The following STON2 variants were observed in gnomAD, a reference collection of about 807,000 sequenced individuals.
The protein encoded by STON2 is stonin-2.
In STON2, 29 loss-of-function variants were observed where a neutral mutation model predicts 65.7. That is an observed-to-expected ratio of 0.44 (90% CI 0.33 to 0.60). The LOEUF is 0.60. Among genes scored for constraint, STON2 ranks in the 20% least tolerant of loss-of-function variants. The probability of loss-of-function intolerance (pLI) is 0.03; values close to 1 mark genes in which losing one functional copy is unlikely to be tolerated. For synonymous variants in STON2, 404 were observed against 414.2 expected, an observed-to-expected ratio of 0.98 and a Z score of 0.30; for missense variants, 1,054 against 1,118.1, an observed-to-expected ratio of 0.94 and a Z score of 0.82.
At chr14:81,400,956 C>T (rs1900583007), upstream of STON2, among the ~76,000 whole-genome samples, 1 of 152,152 alleles carries the variant, frequency 6.6e-6, no homozygotes, top group South Asian at 2.1e-4. Context: ...CCCTCTGTAA[C>T]GATGACAATG....
chr14:81,337,246 T>G (rs1897407617), intron 4 of STON2, among the ~76,000 whole-genome samples: 1 of 152,214 alleles, frequency 6.6e-6, no homozygotes, highest in Non-Finnish European at 1.5e-5. Flanking sequence ...AGTGATCTAA[T>G]AATGAATCAG....
intron 4 of STON2, among the ~76,000 whole-genome samples, chr14:81,345,111 G>C (rs1221020047): frequency 3.3e-5 from 5 of 152,210 alleles, no homozygotes; most frequent in Admixed American, 3.3e-4. Context: ...AATGGGTCCA[G>C]AAATACTATA....
intron 3 of STON2, among the ~76,000 whole-genome samples, chr14:81,373,341 C>T (rs1039282738): frequency 5.3e-5 from 8 of 151,936 alleles, no homozygotes; most frequent in African/African-American, 1.9e-4. Flanking sequence ...AATTAAAATA[C>T]TAAAAAAGAA....
rs983373353 is a variant in STON2, at chr14:81,268,512, A to T, written c.2785-15T>A. 3 of 1,289,492 alleles carry T rather than the reference A, an allele frequency of 2.3e-6. No homozygotes were observed. Among genetic ancestry groups the T allele is most frequent in the Non-Finnish European group, 3.0e-6 (3 of 988,686 alleles). The allele number at this position is 1,289,492 out of a possible 1,614,324, so 79.9% of individuals were successfully genotyped here. On this transcript the variant is annotated splice_polypyrimidine_tract_variant and intron_variant, in intron 7 of 7. Transcript: ENST00000614646. ...TCAATTTCCACCTGCCAAGAATAGAAGTTGGAGATAAAGATCAAAAAGAAG... is the reference window on the plus strand; with the variant it reads ...TCAATTTCCACCTGCCAAGAATAGATGTTGGAGATAAAGATCAAAAAGAAG...
chr14:81,406,556 A>C (rs1459444744), intron 2 of STON2, among the ~76,000 whole-genome samples: 2 of 152,180 alleles, frequency 1.3e-5, no homozygotes, highest in Non-Finnish European at 2.9e-5. Flanking sequence ...TTACTGCTCA[A>C]TAATAATAAC....
chr14:81,409,869 T>C (rs906623132), intron 2 of STON2, among the ~76,000 whole-genome samples: 4 of 152,226 alleles, frequency 2.6e-5, no homozygotes, highest in African/African-American at 9.6e-5. Flanking sequence ...TGCTTTCCTA[T>C]CTTCACCTAG....
chr14:81,365,081 G>C (rs545565868), intron 4 of STON2, among the ~76,000 whole-genome samples: 2 of 152,198 alleles, frequency 1.3e-5, no homozygotes, highest in Non-Finnish European at 2.9e-5. Flanking sequence ...GTTGAATAAA[G>C]GTTGCCAGAT....
intron 4 of STON2, among the ~76,000 whole-genome samples, chr14:81,350,430 A>G (rs1359331506): frequency 6.6e-6 from 1 of 152,020 alleles, no homozygotes; most frequent in East Asian, 1.9e-4. Flanking sequence ...AACTTTCTGC[A>G]TGACTGAATT....
rs1292187120 is a variant in STON2 at position 81,398,345 on chromosome 14, G to A, written c.38C>T (p.Ser13Leu). Residue 13 changes from serine (S) to leucine (L), a missense_variant, in exon 2 of 8, where the codon TCA becomes TTA. Ser to Leu is a moderately radical substitution (Grantham distance 145). Coordinates refer to ENST00000614646, the MANE Select transcript of STON2 (RefSeq NM_001394390.1). ...CTCTTCATTGAAGGAGACCCATTCT[G>A]ACTGGTGGGTGGCAATCACATGGTC... The part of the protein sequence containing the change: ...TLDHVIATHQ[S>L]EWVSFNEEPP... 1.2e-6 allele frequency: 2 copies of A among 1,614,088 alleles called. No homozygotes were observed. Among genetic ancestry groups the A allele is most frequent in the Non-Finnish European group, 1.7e-6 (2 of 1,179,984 alleles).
At chr14:81,281,965 T>G (rs1895143077) in intron 5 of STON2, among the ~76,000 whole-genome samples, 1 of 152,248 alleles carries the variant, frequency 6.6e-6, no homozygotes, top group African/African-American at 2.4e-5. Context: ...TTTTTAAAAC[T>G]TATTCTCTGG....
At chr14:81,280,992 T>C (rs553639798) in intron 5 of STON2, among the ~76,000 whole-genome samples, 6 of 137,572 alleles carry the variant, frequency 4.4e-5, no homozygotes, top group East Asian at 2.1e-4. Flanking sequence ...GTCTGAGCGA[T>C]AGAGCGAAAC....
chr14:81,335,547 T>G (rs1277454940), intron 4 of STON2, among the ~76,000 whole-genome samples: 3 of 152,132 alleles, frequency 2.0e-5, no homozygotes, highest in African/African-American at 7.2e-5. Context: ...GAGACATAGC[T>G]GGACTGTCAG....
intron 5 of STON2, among the ~76,000 whole-genome samples, chr14:81,282,025 C>G (rs1488941420): frequency 6.6e-6 from 1 of 152,004 alleles, no homozygotes; most frequent in Non-Finnish European, 1.5e-5. Flanking sequence ...TTTTGTTTTT[C>G]TATGAAATAA....
chr14:81,359,619 G>T (rs1358223755), intron 4 of STON2, among the ~76,000 whole-genome samples: 4 of 151,974 alleles, frequency 2.6e-5, no homozygotes, highest in Non-Finnish European at 4.4e-5. Context: ...TAACATGGAT[G>T]AACTTTTAGC....
At chr14:81,397,189 ATAAT>A (rs1469984353) in intron 2 of STON2, among the ~76,000 whole-genome samples, 1 of 152,218 alleles carries the variant, frequency 6.6e-6, no homozygotes, top group Admixed American at 6.5e-5. Flanking sequence ...TTTTAATCAA[ATAAT>A]TAATATAAAA....
At chr14:81,280,303 A>G (rs1895053262) in intron 5 of STON2, among the ~76,000 whole-genome samples, 1 of 152,236 alleles carries the variant, frequency 6.6e-6, no homozygotes, top group African/African-American at 2.4e-5. Context: ...TGAGGCTTTT[A>G]GCAAGGAGGA....
intron 1 of STON2, chr14:81,436,192 G>A (rs1276828830): frequency 6.6e-6 from 1 of 151,870 alleles, no homozygotes; most frequent in Admixed American, 6.6e-5. Flanking sequence ...GGCGCCAGGG[G>A]GCACAGCGGC....
Position 81,396,107 on chromosome 14 carries a change from G to C in STON2, c.160C>G (p.His54Asp). The change falls in exon 3 of 8, where the codon CAT becomes GAT. Residue 54 changes from histidine to aspartate, a missense_variant. Coordinates refer to ENST00000614646, the MANE Select transcript of STON2 (RefSeq NM_001394390.1). ...DQSESSSGEN[H>D]VVDGGSQDHS... ...TCTTGAGAGCCTCCATCCACCACAT[G>C]GTTCTCCCCGGAGGAGCTCTCGGAC... The C allele has an allele frequency of 1.2e-6, 2 of 1,614,130 alleles. No homozygotes were observed. The highest frequency in any genetic ancestry group is 8.5e-7 in the Non-Finnish European group (1 of 1,180,016).
At chr14:81,332,009 G>T (rs1595362450) in intron 4 of STON2, among the ~76,000 whole-genome samples, 1 of 152,154 alleles carries the variant, frequency 6.6e-6, no homozygotes, top group African/African-American at 2.4e-5. Flanking sequence ...CAATAAAATG[G>T]GTCATAAACA....
Sources: gnomAD v4.1 joint callset for allele counts (sites outside exome capture counted in the v4.1 genomes callset) on GRCh38, gnomAD v4.1.1 for gene constraint, MANE v1.5 for transcripts, NCBI Gene and HGNC (gene_info 2026-07-23, HGNC 2026-07-21) for gene names.